The following GATAD2B variants were observed in gnomAD, a reference collection of about 807,000 sequenced individuals.
GATAD2B encodes transcriptional repressor p66-beta.
A neutral mutation model predicts 64.3 loss-of-function variants in GATAD2B; 8 were observed. The ratio of observed to expected loss-of-function variants is 0.12; its 90% CI spans 0.07 to 0.22. The LOEUF is 0.22. Among genes scored for constraint, GATAD2B ranks in the 10% least tolerant of loss-of-function variants. The pLI, the probability that GATAD2B is intolerant of heterozygous loss-of-function variation, is 1.00. For synonymous variants in GATAD2B, 281 were observed against 271.3 expected, an observed-to-expected ratio of 1.04 and a Z score of -0.35; for missense variants, 453 against 752.0, an observed-to-expected ratio of 0.60 and a Z score of 4.65.
chr1:153,827,888 C>T (rs1033644761), intron 2 of GATAD2B, 125 bp downstream of exon 2: 7 of 718,594 alleles, frequency 9.7e-6, no homozygotes, highest in African/African-American at 3.6e-5. Flanking sequence ...TGGTCAAACT[C>T]GATGATATAT....
chr1:153,912,494 A>C (rs1177832529), intron 1 of GATAD2B, among the ~76,000 whole-genome samples: 1 of 152,244 alleles, frequency 6.6e-6, no homozygotes, highest in Non-Finnish European at 1.5e-5. Flanking sequence ...CACAGAAAGA[A>C]TGTCATGCTA....
At chr1:153,868,617 C>G (rs1676555824) in intron 1 of GATAD2B, among the ~76,000 whole-genome samples, 1 of 152,054 alleles carries the variant, frequency 6.6e-6, no homozygotes, top group African/African-American at 2.4e-5. Context: ...CCCTGCTCCC[C>G]TAAATGTTAA....
chr1:153,824,913 G>A (rs1028736905), intron 2 of GATAD2B, among the ~76,000 whole-genome samples: 32 of 152,042 alleles, frequency 2.1e-4, no homozygotes, highest in Non-Finnish European at 3.4e-4. Flanking sequence ...GCGAAACCTC[G>A]TCTCTACTAA....
intron 1 of GATAD2B, among the ~76,000 whole-genome samples, chr1:153,861,809 T>TATATATACACAC (rs1294838675): frequency 2.0e-4 from 25 of 122,128 alleles, no homozygotes; most frequent in African/African-American, 7.2e-4. Context: ...TATATATATA[T>TATATATACACAC]ACACATATGT....
chr1:153,831,266 G>T (rs1050630466), intron 1 of GATAD2B, among the ~76,000 whole-genome samples: 1 of 152,142 alleles, frequency 6.6e-6, no homozygotes, highest in Admixed American at 6.5e-5. Context: ...GTTTTCACTC[G>T]TAAGTGGGAG....
chr1:153,910,574 T>C (rs866815878), intron 1 of GATAD2B, among the ~76,000 whole-genome samples: 1 of 152,078 alleles, frequency 6.6e-6, no homozygotes. Context: ...TCCCCATTTC[T>C]ACTAAAAATA....
intron 5 of GATAD2B, 102 bp downstream of exon 5, chr1:153,817,938 C>A: frequency 9.7e-7 from 1 of 1,030,382 alleles, no homozygotes. Flanking sequence ...AATAACACCT[C>A]TATCATGGCC....
intron 1 of GATAD2B, among the ~76,000 whole-genome samples, chr1:153,869,754 G>A (rs559936311): frequency 6.6e-6 from 1 of 152,272 alleles, no homozygotes; most frequent in African/African-American, 2.4e-5. Flanking sequence ...TAAAATGCAT[G>A]CATACACACG....
At chr1:153,905,553 GAAAAAAAAAAA>G (rs769120730) in intron 1 of GATAD2B, among the ~76,000 whole-genome samples, 2 of 64,670 alleles carry the variant, frequency 3.1e-5, no homozygotes, top group South Asian at 5.3e-4. Flanking sequence ...AACAATTTTG[GAAAAAAAAAAA>G]AAAAAAAAAA....
At chr1:153,907,104 CGAATTATCAT>C (rs1444252222) in intron 1 of GATAD2B, among the ~76,000 whole-genome samples, 11 of 152,230 alleles carry the variant, frequency 7.2e-5, no homozygotes, top group African/African-American at 2.4e-4. Flanking sequence ...ACTCAAAAAC[CGAATTATCAT>C]GAATTATCAT....
At chr1:153,898,252 AGC>A in intron 1 of GATAD2B, among the ~76,000 whole-genome samples, 1 of 145,052 alleles carries the variant, frequency 6.9e-6, no homozygotes, top group East Asian at 2.1e-4. Context: ...GCCTGTAGTG[AGC>A]TATGACTGCA....
At position 153,852,217 on chromosome 1, in the gene GATAD2B, T is replaced by C. The variant is rs1053956789; in HGVS notation, c.-1-23869A>G. 74 of 1,107,732 alleles carry C rather than the reference T, an allele frequency of 6.7e-5. No homozygotes were observed. The South Asian group carries it at 8.4e-4, about 13-fold the overall frequency. The allele number at this position is 1,107,732 out of a possible 1,614,324, so 68.6% of individuals were successfully genotyped here. On this transcript the variant is annotated intron_variant, in intron 1 of 10. Transcript: ENST00000368655. ...AGGGTGAAAGGGACCTACCAGCCAG[T>C]TGAGGGGCATGTTGTTAACAAGAAA...
intron 1 of GATAD2B, among the ~76,000 whole-genome samples, chr1:153,896,885 A>C (rs1391566615): frequency 6.6e-6 from 1 of 152,170 alleles, no homozygotes; most frequent in Admixed American, 6.5e-5. Context: ...CAGATTTTAT[A>C]CTCATTGCTT....
intron 1 of GATAD2B, chr1:153,890,775 G>A (rs925306032): frequency 3.3e-5 from 5 of 152,246 alleles, no homozygotes; most frequent in Admixed American, 2.0e-4. Flanking sequence ...TGTAAGGCAT[G>A]TAGAAAATAC....
At chr1:153,877,103 G>C (rs539125774) in intron 1 of GATAD2B, among the ~76,000 whole-genome samples, 1 of 152,174 alleles carries the variant, frequency 6.6e-6, no homozygotes. Context: ...GGGGGGCTAA[G>C]GCAGAAGGAC....
chr1:153,855,896 T>C (rs1676069716), intron 1 of GATAD2B, among the ~76,000 whole-genome samples: 1 of 152,080 alleles, frequency 6.6e-6, no homozygotes, highest in African/African-American at 2.4e-5. Context: ...TTGCCCAGGC[T>C]GGTCTCGAAC....
At position 153,816,338 on chromosome 1, in the gene GATAD2B, G is replaced by A; in HGVS notation, c.1151C>T (p.Ala384Val). ...APLLHFLPSA[A>V]NSEFIYMVGL... is the part of the protein sequence containing the mutation. ...TACCATGTAGATGAACTCGCTATTG[G>A]CTGCACTAGGCAAGAAATGAAGTAA... The change falls in exon 7 of 11, where the codon GCC becomes GTC. Residue 384 changes from alanine (A) to valine (V), a missense_variant. Physicochemically the swap from Ala to Val is moderately conservative, Grantham distance 64. Around this residue, in one of 2 missense-constraint regions of GATAD2B, gnomAD observed 160 missense variants for 334.7 expected, o/e 0.48. Coordinates refer to ENST00000368655, the MANE Select transcript of GATAD2B (RefSeq NM_020699.4). The surrounding 1 kb of genome is among the most constrained non-coding windows in gnomAD (Gnocchi z 4.9). The A allele has an allele frequency of 6.2e-7, 1 of 1,613,708 alleles. No homozygotes were observed. The highest frequency in any genetic ancestry group is 8.5e-7 in the Non-Finnish European group (1 of 1,179,588).
In GATAD2B at chr1:153,808,408, C is replaced by T. The variant is rs896373925; in HGVS notation, c.*1769G>A. The T allele has an allele frequency of 6.6e-6, 1 of 152,602 alleles. No homozygotes were observed. Among genetic ancestry groups the T allele is most frequent in the East Asian group, 1.9e-4 (1 of 5,204 alleles). 9.5% of individuals were successfully genotyped at this position (152,602 alleles called of 1,614,324 possible). A position where few individuals can be genotyped will look rare whatever the true frequency, so the allele number is the denominator to read the frequency against. On this transcript the variant is annotated 3_prime_UTR_variant, in exon 11 of 11. Transcript: ENST00000368655. ...AGCCTGATTTTAGCTCTTTCTCCCACCCCACCTCCAAATTTTATGGGGAAG... is the reference window on the plus strand; with the variant it reads ...AGCCTGATTTTAGCTCTTTCTCCCATCCCACCTCCAAATTTTATGGGGAAG...
chr1:153,860,460 G>A (rs765723929), intron 1 of GATAD2B, among the ~76,000 whole-genome samples: 4 of 150,868 alleles, frequency 2.7e-5, no homozygotes, highest in South Asian at 4.2e-4. Context: ...TTAGCTTCCC[G>A]AAGAGCTAGG....
Sources: allele counts gnomAD v4.1 joint callset (sites outside exome capture counted in the v4.1 genomes callset), GRCh38; gene constraint gnomAD v4.1.1; regional missense constraint gnomAD v4.1.1; non-coding constraint Gnocchi (gnomAD v3.1); transcripts MANE v1.5; gene names NCBI Gene and HGNC (gene_info 2026-07-23, HGNC 2026-07-21).